FAM171A1: variants seen among roughly 807,000 people sequenced by gnomAD.
FAM171A1 encodes family with sequence similarity 171 member A1, also known as protein FAM171A1.
Under a neutral mutation model 74.9 loss-of-function variants are expected in FAM171A1, and 23 were observed. That is an observed-to-expected ratio of 0.31 (90% CI 0.22 to 0.44). FAM171A1 has a LOEUF of 0.44. Ranked by LOEUF, FAM171A1 falls within the 20% of genes least tolerant of loss-of-function variation. The pLI, the probability that FAM171A1 is intolerant of heterozygous loss-of-function variation, is 1.00. For synonymous variants in FAM171A1, 527 were observed against 505.7 expected (o/e 1.04, Z -0.57); for missense variants, 1,162 against 1,159.2 (o/e 1.00, Z -0.03).
chr10:15,371,555 C>T (rs1455767218), upstream of FAM171A1, among the ~76,000 whole-genome samples: 2 of 151,038 alleles, frequency 1.3e-5, no homozygotes, highest in African/African-American at 2.5e-5. Context: ...CTGGGTGTGA[C>T]CCCCCCACCA....
rs565848178 is a variant in FAM171A1 at position 15,308,527 on chromosome 10, G to A, written c.98-24422C>T. On this transcript the variant is annotated intron_variant, in intron 1 of 7. Transcript: ENST00000378116. The stretch of plus-strand genomic sequence containing the variant: ...TGCCCAGGCTGGAGTGCAGTGGCAC[G>A]ATTTTGGCTTACTGAAACCTCCGCC... 2.0e-5 allele frequency among the ~76,000 whole-genome samples: 3 copies of A among 152,066 alleles called. No individual in the cohort carries two copies. The South Asian group carries it at 6.2e-4, about 32-fold the overall frequency.
chr10:15,248,956 TCAC>T, intron 4 of FAM171A1, 141 bp from the exon 5 acceptor site: 1 of 688,214 alleles, frequency 1.5e-6, no homozygotes. Context: ...TACATAATCC[TCAC>T]CACAACCCAG....
intron 5 of FAM171A1, among the ~76,000 whole-genome samples, chr10:15,224,944 T>G (rs1035858160): frequency 1.3e-5 from 2 of 152,182 alleles, no homozygotes; most frequent in African/African-American, 4.8e-5. Flanking sequence ...CATATAGTTT[T>G]TCTCTCTTCC....
At chr10:15,335,000 G>A (rs1835684183) in intron 1 of FAM171A1, among the ~76,000 whole-genome samples, 2 of 152,180 alleles carry the variant, frequency 1.3e-5, no homozygotes. Context: ...CTAGCACTTT[G>A]GGAGGCCAAA....
chr10:15,282,358 T>C (rs1834980897), intron 2 of FAM171A1, among the ~76,000 whole-genome samples: 2 of 152,224 alleles, frequency 1.3e-5, no homozygotes, highest in African/African-American at 2.4e-5. Flanking sequence ...TATGGTGCTA[T>C]GGGCTGTCAG....
chr10:15,302,192 G>A (rs148590202), intron 1 of FAM171A1, among the ~76,000 whole-genome samples: 2,529 of 152,184 alleles, frequency 0.017, 38 homozygotes, highest in East Asian at 0.066. Flanking sequence ...GGCCAGGTGC[G>A]GTGGCTCATG....
intron 1 of FAM171A1, among the ~76,000 whole-genome samples, chr10:15,333,241 C>T (rs2131861815): frequency 6.6e-6 from 1 of 152,376 alleles, no homozygotes; most frequent in Admixed American, 6.5e-5. Flanking sequence ...CGCCTGTAAT[C>T]CCAGTACTTT....
intron 4 of FAM171A1, among the ~76,000 whole-genome samples, chr10:15,252,659 G>A (rs942840090): frequency 6.6e-6 from 1 of 152,156 alleles, no homozygotes; most frequent in African/African-American, 2.4e-5. Flanking sequence ...GGATGCCTTC[G>A]CTGCTAGGTC....
intron 1 of FAM171A1, among the ~76,000 whole-genome samples, chr10:15,325,079 C>A (rs1212018701): frequency 6.6e-6 from 1 of 152,216 alleles, no homozygotes; most frequent in African/African-American, 2.4e-5. Flanking sequence ...ATGAGCTCCC[C>A]ACTCCTTTCC....
At chr10:15,304,450 G>A (rs146965422) in intron 1 of FAM171A1, among the ~76,000 whole-genome samples, 230 of 152,186 alleles carry the variant, frequency 1.5e-3, no homozygotes, top group African/African-American at 4.4e-3. Context: ...CCCTGATGAC[G>A]CCAGGGCCAG....
chr10:15,212,187 G>A lies in FAM171A1; in HGVS notation c.*728C>T, dbSNP rs1402773510. On this transcript the variant is annotated 3_prime_UTR_variant, in exon 8 of 8. Transcript: ENST00000378116. ...TCAAAAAGGCACTTGGAGTTAATGG[G>A]ACCAGGATTGGAGGACTCTTAGCTG... The A allele has an allele frequency of 1.3e-5, 2 of 152,664 alleles. No individual in the cohort carries two copies. The highest frequency in any genetic ancestry group is 4.8e-5 in the African/African-American group (2 of 41,436). 9.5% of individuals were successfully genotyped at this position (152,664 alleles called of 1,614,324 possible).
intron 1 of FAM171A1, among the ~76,000 whole-genome samples, chr10:15,315,952 CT>C (rs2131842528): frequency 6.6e-6 from 1 of 152,020 alleles, no homozygotes; most frequent in Non-Finnish European, 1.5e-5. Context: ...GCCACTAAAC[CT>C]AACATCTTAG....
intron 1 of FAM171A1, among the ~76,000 whole-genome samples, chr10:15,317,406 A>G (rs1413561694): frequency 6.6e-6 from 1 of 152,164 alleles, no homozygotes; most frequent in Non-Finnish European, 1.5e-5. Flanking sequence ...TTTTAATTTT[A>G]TTTATTCAAG....
intron 2 of FAM171A1, among the ~76,000 whole-genome samples, chr10:15,280,022 G>T (rs1834946745): frequency 6.6e-6 from 1 of 152,208 alleles, no homozygotes; most frequent in African/African-American, 2.4e-5. Context: ...TGGAGGTGGA[G>T]GGTGTAGTGA....
chr10:15,286,272 T>G (rs1835034154), intron 1 of FAM171A1, among the ~76,000 whole-genome samples: 1 of 152,110 alleles, frequency 6.6e-6, no homozygotes, highest in African/African-American at 2.4e-5. Flanking sequence ...TCAGAGAGTA[T>G]TAATACCTTT....
At chr10:15,367,213 AACAAACAAAC>A (rs1372930403) in intron 1 of FAM171A1, among the ~76,000 whole-genome samples, 1 of 151,980 alleles carries the variant, frequency 6.6e-6, no homozygotes, top group African/African-American at 2.4e-5. Flanking sequence ...CAAACAAACA[AACAAACAAAC>A]ACACACACAA....
At position 15,213,440 on chromosome 10, in the gene FAM171A1, G is replaced by A; in HGVS notation, c.2148C>T (p.Ser716=). Residue 716 remains serine, a synonymous_variant, in exon 8 of 8, where the codon TCC becomes TCT. Coordinates refer to ENST00000378116, the MANE Select transcript of FAM171A1 (RefSeq NM_001010924.2). This position sits in a 1 kb window ranked among gnomAD's most constrained non-coding sequence, Gnocchi z 6.8. ...RAWFVSLDGR[S]NAHVRHSYID... ...TGTATGAATGTCTAACGTGAGCGTT[G>A]GACCTGCCATCCAAGGAGACGAACC... The A allele has an allele frequency of 6.2e-7, 1 of 1,614,188 alleles. No homozygotes were observed. Among genetic ancestry groups the A allele is most frequent in the South Asian group, 1.1e-5 (1 of 91,082 alleles).
chr10:15,254,413 C>G lies in FAM171A1; in HGVS notation c.577+308G>C, dbSNP rs1276927499. ...TCTAATCTTATACTTAAAAAAATTG[C>G]AATTTCAATAAGAATTTCTCTGAAT... is the stretch of plus-strand genomic sequence containing the variant. On this transcript the variant is annotated intron_variant, in intron 4 of 7. Transcript: ENST00000378116. Among the ~76,000 whole-genome samples the G allele has an allele frequency of 2.6e-5, 4 of 152,196 alleles. No individual in the cohort carries two copies. The East Asian group carries it at 7.7e-4, about 29-fold the overall frequency.
chr10:15,371,774 C>T (rs1031268569), upstream of FAM171A1, among the ~76,000 whole-genome samples: 1 of 152,144 alleles, frequency 6.6e-6, no homozygotes, highest in African/African-American at 2.4e-5. Context: ...GCCCTAGGTG[C>T]TTTAAAACTT....
Sources: allele counts gnomAD v4.1 joint callset (sites outside exome capture counted in the v4.1 genomes callset), GRCh38; gene constraint gnomAD v4.1.1; non-coding constraint Gnocchi (gnomAD v3.1); transcripts MANE v1.5; gene names NCBI Gene and HGNC (gene_info 2026-07-23, HGNC 2026-07-21).